The following TMEM163 variants were observed in gnomAD, a reference collection of about 807,000 sequenced individuals.
TMEM163 encodes the protein transmembrane protein 163.
In TMEM163, 17 loss-of-function variants were observed where a neutral mutation model predicts 29.3. The observed-to-expected ratio is 0.58, with a 90% confidence interval of 0.40 to 0.87. The LOEUF (loss-of-function observed/expected upper bound fraction) is 0.87. Among genes scored for constraint, TMEM163 ranks in the 40% least tolerant of loss-of-function variants. TMEM163 has a pLI of 0.00. For synonymous variants in TMEM163, 157 were observed against 160.6 expected (o/e 0.98, Z 0.17); for missense variants, 303 against 381.5 (o/e 0.79, Z 1.71).
At chr2:134,612,578 G>C (rs927263234) in intron 2 of TMEM163, among the ~76,000 whole-genome samples, 4 of 36,500 alleles carry the variant, frequency 1.1e-4, no homozygotes, top group Non-Finnish European at 2.0e-4. Flanking sequence ...CACACACACA[G>C]CTCCTTGGCA....
In TMEM163 at chr2:134,557,306, G is replaced by C. The variant is rs556834517; in HGVS notation, c.323-5215C>G. 3.3e-5 allele frequency among the ~76,000 whole-genome samples: 5 copies of C among 152,350 alleles called. No individual in the cohort carries two copies. In the South Asian group the frequency reaches 1.0e-3, roughly 32 times the overall value. ...GCTAACAGTGGTTAATCTTTGAAGG[G>C]TGGGAATATTTGAGTGGGTTTCTTT... On this transcript the variant is annotated intron_variant, in intron 2 of 7. Coordinates refer to ENST00000281924, the MANE Select transcript of TMEM163 (RefSeq NM_030923.5).
Position 134,551,929 on chromosome 2 carries a change from A to C in TMEM163, c.366+119T>G, listed in dbSNP as rs1048985963. On this transcript the variant is annotated intron_variant, in intron 3 of 7. Transcript: ENST00000281924. ...TAATAGAAGTGGGTTTCCATAAAAT[A>C]TGTTTCTCATGCTAAGCTCTCATAC... The C allele has an allele frequency of 1.7e-5, 13 of 753,080 alleles. No individual in the cohort carries two copies. In the African/African-American group the frequency reaches 2.2e-4, roughly 12 times the overall value. 46.6% of individuals were successfully genotyped at this position (753,080 alleles called of 1,614,324 possible).
At chr2:134,701,209 A>G (rs568437842) in intron 2 of TMEM163, among the ~76,000 whole-genome samples, 1 of 152,244 alleles carries the variant, frequency 6.6e-6, no homozygotes, top group South Asian at 2.1e-4. Flanking sequence ...AATCAGAGTG[A>G]ATTTAAAAAA....
intron 4 of TMEM163, among the ~76,000 whole-genome samples, chr2:134,540,922 G>T (rs978732093): frequency 6.6e-6 from 1 of 152,134 alleles, no homozygotes; most frequent in African/African-American, 2.4e-5. Context: ...CTAGGGGTTC[G>T]GGATAAAAAG....
chr2:134,695,779 G>C (rs1684565130), intron 2 of TMEM163, among the ~76,000 whole-genome samples: 1 of 152,068 alleles, frequency 6.6e-6, no homozygotes, highest in South Asian at 2.1e-4. Flanking sequence ...TAAAAGTTTT[G>C]GTTGGGCATG....
At chr2:134,596,061 T>C (rs2104806103) in intron 2 of TMEM163, among the ~76,000 whole-genome samples, 2 of 152,340 alleles carry the variant, frequency 1.3e-5, no homozygotes, top group South Asian at 2.1e-4. Flanking sequence ...ATTCTGTAGG[T>C]TGCCGGTTCA....
intron 2 of TMEM163, among the ~76,000 whole-genome samples, chr2:134,703,261 G>T (rs1280290664): frequency 2.0e-5 from 3 of 152,126 alleles, no homozygotes; most frequent in Non-Finnish European, 4.4e-5. Context: ...TGTGCACCAG[G>T]TGAAATGGGC....
At chr2:134,490,928 A>C (rs1679415233) in intron 5 of TMEM163, among the ~76,000 whole-genome samples, 1 of 152,200 alleles carries the variant, frequency 6.6e-6, no homozygotes, top group Non-Finnish European at 1.5e-5. Context: ...AAACAGCCAG[A>C]AATGTTATGA....
At chr2:134,543,337 C>CT (rs1680717256) in intron 4 of TMEM163, among the ~76,000 whole-genome samples, 1 of 152,226 alleles carries the variant, frequency 6.6e-6, no homozygotes, top group Admixed American at 6.5e-5. Context: ...TGCCTTAACT[C>CT]TCATCAGCCA....
chr2:134,586,507 C>T (rs773146166), intron 2 of TMEM163, among the ~76,000 whole-genome samples: 27 of 152,188 alleles, frequency 1.8e-4, no homozygotes, highest in Non-Finnish European at 3.1e-4. Context: ...TTCATAAGGA[C>T]GCTAGTCATG....
chr2:134,557,251 G>A (rs1175560219), intron 2 of TMEM163, among the ~76,000 whole-genome samples: 3 of 152,198 alleles, frequency 2.0e-5, no homozygotes, highest in African/African-American at 4.8e-5. Flanking sequence ...AGGCTGCATT[G>A]AAAACAACCA....
At chr2:134,637,467 G>A (rs1437663430) in intron 2 of TMEM163, among the ~76,000 whole-genome samples, 1 of 152,014 alleles carries the variant, frequency 6.6e-6, no homozygotes, top group East Asian at 1.9e-4. Context: ...AGAATAAATG[G>A]GTTGAAAAAA....
At chr2:134,687,552 G>C (rs1684375584) in intron 2 of TMEM163, among the ~76,000 whole-genome samples, 1 of 152,216 alleles carries the variant, frequency 6.6e-6, no homozygotes, top group Non-Finnish European at 1.5e-5. Context: ...TAAAAGTGAT[G>C]CAGTGTGGCT....
At chr2:134,462,451 C>A (rs953007964) in intron 6 of TMEM163, among the ~76,000 whole-genome samples, 6 of 152,206 alleles carry the variant, frequency 3.9e-5, no homozygotes, top group Admixed American at 2.0e-4. Context: ...TCTGTCCCCC[C>A]ACTTCCAAGT....
chr2:134,679,732 A>G (rs1480974850), intron 2 of TMEM163, among the ~76,000 whole-genome samples: 2 of 152,240 alleles, frequency 1.3e-5, no homozygotes, highest in East Asian at 3.8e-4. Context: ...GAGATACTCA[A>G]TCTTACACAA....
chr2:134,655,784 C>T (rs1453595940), intron 2 of TMEM163, among the ~76,000 whole-genome samples: 3 of 141,876 alleles, frequency 2.1e-5, no homozygotes, highest in Non-Finnish European at 4.5e-5. Flanking sequence ...CCCTCAGCTG[C>T]AGGTCTGTTG....
intron 4 of TMEM163, among the ~76,000 whole-genome samples, chr2:134,539,097 G>A (rs77588393): frequency 0.023 from 3,471 of 152,228 alleles, 167 homozygotes; most frequent in African/African-American, 0.078. Context: ...GTCAAACACT[G>A]TACCAAGCAA....
rs1438700794 is a variant in TMEM163, at chr2:134,602,468, C to G, written c.323-50377G>C. Among the ~76,000 whole-genome samples, 5 of 152,260 alleles carry G rather than the reference C, an allele frequency of 3.3e-5. No homozygotes were observed. In the East Asian group the frequency reaches 9.7e-4, roughly 29 times the overall value. Reference sequence around the variant, plus strand: ...GGAGGATTGCTGCCAAGAAGGACTGCCTAGCCCCAGTTAGGAAGTGGTGTG... The same window carrying G: ...GGAGGATTGCTGCCAAGAAGGACTGGCTAGCCCCAGTTAGGAAGTGGTGTG... On this transcript the variant is annotated intron_variant, in intron 2 of 7. Coordinates refer to ENST00000281924, the MANE Select transcript of TMEM163 (RefSeq NM_030923.5).
At chr2:134,472,364 A>T (rs562997512) in intron 5 of TMEM163, among the ~76,000 whole-genome samples, 76 of 152,382 alleles carry the variant, frequency 5.0e-4, no homozygotes, top group Non-Finnish European at 8.8e-5. Context: ...GTTAAAAATA[A>T]CATAAATTTT....
Sources: allele counts gnomAD v4.1 joint callset (sites outside exome capture counted in the v4.1 genomes callset), GRCh38; gene constraint gnomAD v4.1.1; transcripts MANE v1.5; gene names NCBI Gene and HGNC (gene_info 2026-07-23, HGNC 2026-07-21).